ACAP1: variants seen among roughly 807,000 people sequenced by gnomAD.
The protein encoded by ACAP1 is arf-GAP with coiled-coil, ANK repeat and PH domain-containing protein 1.
A neutral mutation model predicts 98.8 loss-of-function variants in ACAP1; 45 were observed. The observed-to-expected ratio is 0.46, with a 90% confidence interval of 0.36 to 0.58. ACAP1 has a LOEUF of 0.58. Among genes scored for constraint, ACAP1 ranks in the 20% least tolerant of loss-of-function variants. ACAP1 has a pLI of 0.00. For missense variants in ACAP1, 735 were observed against 971.4 expected, an observed-to-expected ratio of 0.76 and a Z score of 3.24; for synonymous variants, 362 against 375.3, an observed-to-expected ratio of 0.96 and a Z score of 0.41.
At position 7,343,282 on chromosome 17, in the gene ACAP1, G is replaced by T; in HGVS notation, c.345-97G>T. On this transcript the variant is annotated intron_variant, in intron 5 of 21. Transcript: ENST00000158762. This position sits in a 1 kb window ranked among gnomAD's most constrained non-coding sequence, Gnocchi z 4.9. ...ATCACCTTGGGTTTCCCACGTTGCA[G>T]AGACTAACTGAAAGGACATGAGGGC... is the stretch of plus-strand genomic sequence containing the variant. 1 of 1,325,650 alleles carries T rather than the reference G, an allele frequency of 7.5e-7. No homozygotes were observed. The allele number at this position is 1,325,650 out of a possible 1,614,324, so 82.1% of individuals were successfully genotyped here. A position where few individuals can be genotyped will look rare whatever the true frequency, so the allele number is the denominator to read the frequency against.
In ACAP1 at chr17:7,343,676, G is replaced by A. The variant is rs1183354777; in HGVS notation, c.529-30G>A. 6.2e-7 allele frequency: 1 copy of A among 1,610,558 alleles called. No individual in the cohort carries two copies. The highest frequency in any genetic ancestry group is 8.5e-7 in the Non-Finnish European group (1 of 1,177,774). ...TGCTGTGTCTTCAAGACTGATCTGG[G>A]GTTTTTTACGTCCTCTTTTACGTCC... On this transcript the variant is annotated intron_variant, in intron 6 of 21. Transcript: ENST00000158762. This position sits in a 1 kb window ranked among gnomAD's most constrained non-coding sequence, Gnocchi z 4.9.
chr17:7,337,270 A>G, intron 1 of ACAP1, 42 bp from the exon 2 acceptor site: 1 of 1,598,560 alleles, frequency 6.3e-7, no homozygotes, highest in Non-Finnish European at 8.6e-7. Context: ...CAGACAGACC[A>G]GATGGACCCA....
rs1297128665 is a variant in ACAP1, at chr17:7,346,313, C to T, written c.906+18C>T. 1 of 1,614,198 alleles carries T rather than the reference C, an allele frequency of 6.2e-7. No homozygotes were observed. The highest frequency in any genetic ancestry group is 1.3e-5 in the African/African-American group (1 of 75,066). On this transcript the variant is annotated intron_variant, in intron 11 of 21. Coordinates refer to ENST00000158762, the MANE Select transcript of ACAP1 (RefSeq NM_014716.4). The stretch of plus-strand genomic sequence containing the variant: ...AGTACAAGGTGAGTGGACCTGGGTC[C>T]TGGATGCCTGGGCCCCAGGGAGACT...
At chr17:7,337,427 A>G in intron 2 of ACAP1, 58 bp downstream of exon 2, 1 of 1,481,910 alleles carries the variant, frequency 6.7e-7, no homozygotes. Context: ...GGGTAGGGCC[A>G]GGGAGAAAGC....
chr17:7,337,240 C>A, intron 1 of ACAP1, 72 bp from the exon 2 acceptor site: 1 of 1,461,640 alleles, frequency 6.8e-7, no homozygotes, highest in Non-Finnish European at 9.6e-7. Context: ...CGCCCTGCGA[C>A]TCCATCCCGC....
chr17:7,348,370 G>C lies in ACAP1; in HGVS notation c.1573G>C (p.Glu525Gln). Reference protein sequence around the residue: ...VEKKFLTKLPEIRGRRGGRGR... With the variant: ...VEKKFLTKLPQIRGRRGGRGR... ...GAAGAAGTTCCTGACCAAGCTGCCT[G>C]AGATTCGAGGGCGAAGAGGTGGCCG... The change falls in exon 17 of 22, where the codon GAG (glutamate) becomes CAG (glutamine). Residue 525 changes from glutamate (E) to glutamine (Q), a missense_variant. By Grantham distance (29) the Glu-to-Gln change is conservative. Coordinates refer to ENST00000158762, the MANE Select transcript of ACAP1 (RefSeq NM_014716.4). 6.4e-7 allele frequency: 1 copy of C among 1,573,756 alleles called. No homozygotes were observed. Among genetic ancestry groups the C allele is most frequent in the Non-Finnish European group, 8.6e-7 (1 of 1,157,716 alleles).
chr17:7,344,174 G>A lies in ACAP1; in HGVS notation c.744+51G>A. 6.6e-7 allele frequency: 1 copy of A among 1,524,696 alleles called. No homozygotes were observed. Among genetic ancestry groups the A allele is most frequent in the Non-Finnish European group, 8.9e-7 (1 of 1,123,164 alleles). 94.4% of individuals were successfully genotyped at this position (1,524,696 alleles called of 1,614,324 possible). ...CGACCGTCATCCCAACATGTTGGGAGGCTGAGGTGGGAAGATTGCTTGAGG... is the reference window on the plus strand; with the variant it reads ...CGACCGTCATCCCAACATGTTGGGAAGCTGAGGTGGGAAGATTGCTTGAGG... On this transcript the variant is annotated intron_variant, in intron 9 of 21. Coordinates refer to ENST00000158762, the MANE Select transcript of ACAP1 (RefSeq NM_014716.4). This position sits in a 1 kb window ranked among gnomAD's most constrained non-coding sequence, Gnocchi z 4.9.
intron 21 of ACAP1, 134 bp from the exon 22 acceptor site, chr17:7,351,161 C>A (rs2073406194): frequency 9.2e-7 from 1 of 1,091,584 alleles, no homozygotes; most frequent in Non-Finnish European, 1.3e-6. Context: ...GGCATAGGTG[C>A]TGGCGCAGTG....
chr17:7,351,412 C>T lies in ACAP1; in HGVS notation c.*17C>T, dbSNP rs1379276373. ...ACGCTGTGACCCGAGGCCCACGGGG[C>T]CCGCGCCTGCCTCCCTTCCCCGCCA... is the stretch of plus-strand genomic sequence containing the variant. On this transcript the variant is annotated 3_prime_UTR_variant, in exon 22 of 22. Transcript: ENST00000158762. 1 of 1,578,254 alleles carries T rather than the reference C, an allele frequency of 6.3e-7. No individual in the cohort carries two copies.
At chr17:7,347,425 G>A (rs1414978862) in intron 14 of ACAP1, 183 bp downstream of exon 14, 2 of 616,324 alleles carry the variant, frequency 3.2e-6, no homozygotes, top group East Asian at 5.9e-5. Flanking sequence ...ACCCAGGCGG[G>A]CCTAGCCCCT....
chr17:7,348,798 C>T (rs2073373600), intron 17 of ACAP1, 197 bp from the exon 18 acceptor site: 1 of 600,588 alleles, frequency 1.7e-6, no homozygotes. Flanking sequence ...CGTCTCTCCC[C>T]CACACCCTAG....
rs2073400715 is a variant in ACAP1 at position 7,350,855 on chromosome 17, C to T, written c.2073-95C>T. 2 of 1,235,774 alleles carry T rather than the reference C, an allele frequency of 1.6e-6. No individual in the cohort carries two copies. Among genetic ancestry groups the T allele is most frequent in the Admixed American group, 3.5e-5 (2 of 57,034 alleles). The allele number at this position is 1,235,774 out of a possible 1,614,324, so 76.6% of individuals were successfully genotyped here. A position where few individuals can be genotyped will look rare whatever the true frequency, so the allele number is the denominator to read the frequency against. ...TCGATCTCCTGACCTCGTGATCCGC[C>T]TGCCTCGGCCTCCCAAAGTGTTGGG... On this transcript the variant is annotated intron_variant, in intron 20 of 21. Transcript: ENST00000158762. The surrounding 1 kb of genome is among the most constrained non-coding windows in gnomAD (Gnocchi z 4.6).
In ACAP1 at chr17:7,346,912, GC is replaced by G. The variant is rs35430216; in HGVS notation, c.1117del (p.Arg373GlyfsTer12). 1 of 1,612,334 alleles carries G rather than the reference GC, an allele frequency of 6.2e-7. No homozygotes were observed. The highest frequency in any genetic ancestry group is 8.5e-7 in the Non-Finnish European group (1 of 1,178,638). ...TTCAGTCAGGCTCGCCTTGATGACA[GC>G]CCCCGGGGTCCAGGCCAGGTACCTT... The part of the protein sequence containing the change: ...SAFSQARLDD[S>X]PRGPGQGSGH... On this transcript the variant is annotated frameshift_variant, in exon 13 of 22. Transcript: ENST00000158762. LOFTEE classifies it high-confidence loss of function.
At chr17:7,341,487 C>T (rs2073277657) in intron 2 of ACAP1, among the ~76,000 whole-genome samples, 1 of 152,240 alleles carries the variant, frequency 6.6e-6, no homozygotes, top group Non-Finnish European at 1.5e-5. Context: ...AGCGACTGGC[C>T]CGCCTTGGCC....
rs776007312 is a variant in ACAP1 at position 7,342,043 on chromosome 17, G to A, written c.207G>A (p.Leu69=). The change falls in exon 3 of 22, where the codon CTG becomes CTA. Residue 69 remains leucine, a synonymous_variant. Transcript: ENST00000158762. ...FVVGICDLAR[L]GPPEPMMAEC... ...TCGGCATTTGTGACCTGGCCCGCCTGGGTCCACCAGAGCCCATGATGGCGG... is the reference window on the plus strand; with the variant it reads ...TCGGCATTTGTGACCTGGCCCGCCTAGGTCCACCAGAGCCCATGATGGCGG... 1.9e-6 allele frequency: 3 copies of A among 1,613,982 alleles called. No individual in the cohort carries two copies. The highest frequency in any genetic ancestry group is 2.5e-6 in the Non-Finnish European group (3 of 1,180,038).
At position 7,350,837 on chromosome 17, in the gene ACAP1, C is replaced by G. The variant is rs1313736629; in HGVS notation, c.2073-113C>G. The G allele has an allele frequency of 5.8e-6, 6 of 1,027,582 alleles. No individual in the cohort carries two copies. In the East Asian group the frequency reaches 1.2e-4, roughly 21 times the overall value. 63.7% of individuals were successfully genotyped at this position (1,027,582 alleles called of 1,614,324 possible). A position where few individuals can be genotyped will look rare whatever the true frequency, so the allele number is the denominator to read the frequency against. On this transcript the variant is annotated intron_variant, in intron 20 of 21. Transcript: ENST00000158762. The surrounding 1 kb of genome is among the most constrained non-coding windows in gnomAD (Gnocchi z 4.6). ...ATGTTGGCCAGGACGGTCTCGATCT[C>G]CTGACCTCGTGATCCGCCTGCCTCG... is the stretch of plus-strand genomic sequence containing the variant.
At position 7,350,304 on chromosome 17, in the gene ACAP1, G is replaced by A. The variant is rs986062874; in HGVS notation, c.2072+67G>A. ...CCCACCCCCGCCCACCCACGTTCGGGCGGGCGGGCGGGGCTGACGCCGAAA... is the reference window on the plus strand; with the variant it reads ...CCCACCCCCGCCCACCCACGTTCGGACGGGCGGGCGGGGCTGACGCCGAAA... On this transcript the variant is annotated intron_variant, in intron 20 of 21. Coordinates refer to ENST00000158762, the MANE Select transcript of ACAP1 (RefSeq NM_014716.4). This position sits in a 1 kb window ranked among gnomAD's most constrained non-coding sequence, Gnocchi z 4.6. 1 of 1,314,178 alleles carries A rather than the reference G, an allele frequency of 7.6e-7. No individual in the cohort carries two copies. Among genetic ancestry groups the A allele is most frequent in the Non-Finnish European group, 1.1e-6 (1 of 942,914 alleles). 81.4% of individuals were successfully genotyped at this position (1,314,178 alleles called of 1,614,324 possible).
At chr17:7,338,842 TG>T (rs1359797362) in intron 2 of ACAP1, among the ~76,000 whole-genome samples, 2 of 151,214 alleles carry the variant, frequency 1.3e-5, no homozygotes, top group African/African-American at 4.9e-5. Context: ...CCACCACACC[TG>T]GCCTGAATTT....
At chr17:7,337,985 A>C (rs1427406095) in intron 2 of ACAP1, among the ~76,000 whole-genome samples, 1 of 152,222 alleles carries the variant, frequency 6.6e-6, no homozygotes, top group Non-Finnish European at 1.5e-5. Context: ...CTAGAAGACA[A>C]ACCAGTGAAA....
Sources: allele counts gnomAD v4.1 joint callset (sites outside exome capture counted in the v4.1 genomes callset), GRCh38; gene constraint gnomAD v4.1.1; non-coding constraint Gnocchi (gnomAD v3.1); transcripts MANE v1.5; gene names NCBI Gene and HGNC (gene_info 2026-07-23, HGNC 2026-07-21).